The following MYOZ3 variants were observed in gnomAD, a reference collection of about 807,000 sequenced individuals.
The protein encoded by MYOZ3 is myozenin 3, also known as myozenin-3.
A neutral mutation model predicts 26.5 loss-of-function variants in MYOZ3; 19 were observed. That is an observed-to-expected ratio of 0.72 (90% CI 0.50 to 1.05). The LOEUF is 1.05. Ranked by LOEUF, MYOZ3 falls within the 50% of genes least tolerant of loss-of-function variation. The pLI is 0.00. For synonymous variants in MYOZ3, 135 were observed against 138.8 expected, an observed-to-expected ratio of 0.97 and a Z score of 0.19; for missense variants, 322 against 337.1, an observed-to-expected ratio of 0.96 and a Z score of 0.35.
At chr5:150,676,042 C>T (rs73276194) in intron 6 of MYOZ3, among the ~76,000 whole-genome samples, 13,429 of 152,192 alleles carry the variant, frequency 0.088, 1,845 homozygotes, top group African/African-American at 0.29. Flanking sequence ...ATCTGCATTT[C>T]CCCCCTGATT....
intron 2 of MYOZ3, among the ~76,000 whole-genome samples, chr5:150,663,935 G>A (rs1758771586): frequency 6.6e-6 from 1 of 151,254 alleles, no homozygotes; most frequent in Admixed American, 6.6e-5. Flanking sequence ...GGAGGCTATA[G>A]TGAGCTACGG....
At position 150,670,638 on chromosome 5, in the gene MYOZ3, G is replaced by T; in HGVS notation, c.216G>T (p.Ala72=). ...TCGAGTTAGCAGCCAGCCAGCGGGCGGTGAGTAAGCCACCATTGTGCTCAT... is the reference window on the plus strand; with the variant it reads ...TCGAGTTAGCAGCCAGCCAGCGGGCTGTGAGTAAGCCACCATTGTGCTCAT... ...FTFELAASQR[A]MLAGSARRKV... is the part of the protein sequence containing the mutation. The change falls in exon 3 of 7, where the codon GCG becomes GCT. Residue 72 remains alanine (A), a splice_region_variant and synonymous_variant. Transcript: ENST00000517768. The T allele has an allele frequency of 6.2e-7, 1 of 1,606,840 alleles. No homozygotes were observed. Among genetic ancestry groups the T allele is most frequent in the Non-Finnish European group, 8.5e-7 (1 of 1,174,904 alleles).
At chr5:150,669,488 T>A (rs1449232909) in intron 2 of MYOZ3, among the ~76,000 whole-genome samples, 1 of 151,978 alleles carries the variant, frequency 6.6e-6, no homozygotes, top group Non-Finnish European at 1.5e-5. Context: ...GGTTAAAACC[T>A]CATAGGAATA....
rs1443663728 is a variant in MYOZ3, at chr5:150,678,964, A to G, written c.*2089A>G. On this transcript the variant is annotated 3_prime_UTR_variant, in exon 7 of 7. Coordinates refer to ENST00000517768, the MANE Select transcript of MYOZ3 (RefSeq NM_001122853.3). Reference sequence around the variant, plus strand: ...ATGGGGAAGGTCAGGAGTCCAGCCCATTCCCAGGGTGTGTGGGATAGCGAT... The same window carrying G: ...ATGGGGAAGGTCAGGAGTCCAGCCCGTTCCCAGGGTGTGTGGGATAGCGAT... 6.6e-6 allele frequency: 1 copy of G among 152,404 alleles called. No individual in the cohort carries two copies. The highest frequency in any genetic ancestry group is 2.4e-5 in the African/African-American group (1 of 41,458). 9.4% of individuals were successfully genotyped at this position (152,404 alleles called of 1,614,324 possible).
At position 150,670,742 on chromosome 5, in the gene MYOZ3, C is replaced by T. The variant is rs1421024381; in HGVS notation, c.216+104C>T. ...GCCAGGCTGAGGACTGTGATGTTCC[C>T]ATCAGATTAGGCTCCTGCCTTTCAG... is the stretch of plus-strand genomic sequence containing the variant. On this transcript the variant is annotated intron_variant, in intron 3 of 6. Transcript: ENST00000517768. The T allele has an allele frequency of 7.0e-6, 8 of 1,147,632 alleles. No homozygotes were observed. In the African/African-American group the frequency reaches 7.8e-5, roughly 11 times the overall value. The allele number at this position is 1,147,632 out of a possible 1,614,324, so 71.1% of individuals were successfully genotyped here. A position where few individuals can be genotyped will look rare whatever the true frequency, so the allele number is the denominator to read the frequency against.
intron 6 of MYOZ3, among the ~76,000 whole-genome samples, chr5:150,674,005 T>C (rs1170105465): frequency 3.9e-5 from 6 of 152,038 alleles, no homozygotes; most frequent in Admixed American, 1.3e-4. Flanking sequence ...TCAGCACATA[T>C]GAGGAAGGGC....
At chr5:150,672,250 A>C in intron 5 of MYOZ3, 90 bp from the exon 6 acceptor site, 1 of 1,536,426 alleles carries the variant, frequency 6.5e-7, no homozygotes, top group Non-Finnish European at 8.8e-7. Flanking sequence ...TCCCTCCTCC[A>C]ACCGCGTCCG....
intron 6 of MYOZ3, chr5:150,673,154 C>T (rs1367488343): frequency 6.6e-6 from 1 of 152,396 alleles, no homozygotes; most frequent in African/African-American, 2.4e-5. Flanking sequence ...AATGCAGACC[C>T]CAGGCCTGCC....
chr5:150,665,960 G>A lies in MYOZ3; in HGVS notation c.61+2958G>A, dbSNP rs141794357. ...TGAGGCAGGAGAATCGCTTGAACCC[G>A]GGAGGCAGAGGTTGCAGTGAGCCGA... On this transcript the variant is annotated intron_variant, in intron 2 of 6. Transcript: ENST00000517768. 9.7e-4 allele frequency among the ~76,000 whole-genome samples: 147 copies of A among 151,006 alleles called. 3 individuals carry two copies. The East Asian group carries it at 0.024, about 24-fold the overall frequency.
chr5:150,672,376 A>C lies in MYOZ3; in HGVS notation c.461A>C (p.Lys154Thr). 1 of 1,612,658 alleles carries C rather than the reference A, an allele frequency of 6.2e-7. No individual in the cohort carries two copies. ...CCGCTGAAGGGCGTCCCGCCAGAGA[A>C]GTTCAACCACACCGCCATCTCCAAG... is the stretch of plus-strand genomic sequence containing the variant. ...AEPLKGVPPE[K>T]FNHTAISKGY... The change falls in exon 6 of 7, where the codon AAG becomes ACG. Residue 154 changes from lysine (K) to threonine (T), a missense_variant. Coordinates refer to ENST00000517768, the MANE Select transcript of MYOZ3 (RefSeq NM_001122853.3).
Position 150,670,486 on chromosome 5 carries a change from C to T in MYOZ3, c.64C>T (p.Pro22Ser), listed in dbSNP as rs1438626116. The T allele has an allele frequency of 1.2e-6, 2 of 1,608,822 alleles. No homozygotes were observed. Among genetic ancestry groups the T allele is most frequent in the South Asian group, 2.2e-5 (2 of 90,624 alleles). ...AAMGDLTEPV[P>S]TLDLGKKLSV... ...CCCGCTCTGGCCTTTCCTGGCAGTC[C>T]CTACGCTGGACCTGGGCAAGAAGCT... The change falls in exon 3 of 7, where the codon CCT becomes TCT. Residue 22 changes from proline (P) to serine (S), a missense_variant and splice_region_variant. Transcript: ENST00000517768.
At chr5:150,663,080 T>A in intron 2 of MYOZ3, 78 bp downstream of exon 2, 2 of 1,272,794 alleles carry the variant, frequency 1.6e-6, no homozygotes, top group Non-Finnish European at 2.2e-6. Flanking sequence ...TCTGGCCTGC[T>A]GGCCCCAGGC....
intron 6 of MYOZ3, among the ~76,000 whole-genome samples, chr5:150,674,193 A>G (rs1758969859): frequency 6.6e-6 from 1 of 152,150 alleles, no homozygotes; most frequent in East Asian, 1.9e-4. Context: ...GGACTGCCCT[A>G]TCTCCTCCTG....
intron 2 of MYOZ3, among the ~76,000 whole-genome samples, chr5:150,664,976 A>G (rs1758785422): frequency 6.6e-6 from 1 of 151,850 alleles, no homozygotes; most frequent in African/African-American, 2.4e-5. Context: ...TTATATAAAC[A>G]TACATACACA....
intron 3 of MYOZ3, 28 bp downstream of exon 3, chr5:150,670,666 G>T: frequency 6.3e-7 from 1 of 1,582,592 alleles, no homozygotes; most frequent in South Asian, 1.1e-5. Context: ...GTGCTCATGG[G>T]GAAAATGAGG....
chr5:150,671,620 G>T lies in MYOZ3; in HGVS notation c.240G>T (p.Arg80Ser). The T allele has an allele frequency of 6.2e-7, 1 of 1,613,888 alleles. No individual in the cohort carries two copies. The highest frequency in any genetic ancestry group is 8.5e-7 in the Non-Finnish European group (1 of 1,179,896). The change falls in exon 4 of 7, where the codon AGG becomes AGT. Residue 80 changes from arginine to serine, a missense_variant. Arg to Ser is a moderately radical substitution (Grantham distance 110). Transcript: ENST00000517768. ...QRAMLAGSAR[R>S]KVTGTAESGT... The stretch of plus-strand genomic sequence containing the variant: ...AGATGCTGGCCGGAAGCGCCAGGAG[G>T]AAGGTGACTGGAACAGCGGAGTCGG...
At chr5:150,666,118 T>C (rs1269033898) in intron 2 of MYOZ3, among the ~76,000 whole-genome samples, 1 of 152,106 alleles carries the variant, frequency 6.6e-6, no homozygotes, top group African/African-American at 2.4e-5. Flanking sequence ...TGCTTTATTA[T>C]GTATTTAGGT....
At chr5:150,675,226 T>TTGTGTGCGTGCGTGTGTGTG (rs765864243) in intron 6 of MYOZ3, among the ~76,000 whole-genome samples, 1 of 151,364 alleles carries the variant, frequency 6.6e-6, no homozygotes, top group African/African-American at 2.4e-5. Flanking sequence ...GGAATGGCGT[T>TTGTGTGCGTGCGTGTGTGTG]TGTGTGTGTG....
intron 3 of MYOZ3, chr5:150,671,319 A>G: frequency 2.0e-6 from 1 of 502,744 alleles, no homozygotes; most frequent in Non-Finnish European, 3.5e-6. Context: ...AGAGATCTTC[A>G]TCACCATCAT....
Sources: allele counts gnomAD v4.1 joint callset (sites outside exome capture counted in the v4.1 genomes callset), GRCh38; gene constraint gnomAD v4.1.1; transcripts MANE v1.5; gene names NCBI Gene and HGNC (gene_info 2026-07-23, HGNC 2026-07-21).